The following IQSEC1 variants were observed in gnomAD, a reference collection of about 807,000 sequenced individuals.
IQSEC1 encodes the protein IQ motif and Sec7 domain ArfGEF 1, also known as IQ motif and SEC7 domain-containing protein 1.
In IQSEC1, 31 loss-of-function variants were observed where a neutral mutation model predicts 91.0. The observed-to-expected ratio is 0.34, with a 90% CI of 0.26 to 0.46. The LOEUF is 0.46. Among genes scored for constraint, IQSEC1 ranks in the 20% least tolerant of loss-of-function variants. IQSEC1 has a pLI of 1.00. For missense variants in IQSEC1, 1,388 were observed against 1,575.6 expected, an observed-to-expected ratio of 0.88 and a Z score of 2.02; for synonymous variants, 699 against 662.6, an observed-to-expected ratio of 1.05 and a Z score of -0.84.
At chr3:13,208,139 C>G (rs895555608) in intron 1 of IQSEC1, among the ~76,000 whole-genome samples, 2 of 150,432 alleles carry the variant, frequency 1.3e-5, no homozygotes, top group Non-Finnish European at 3.0e-5. Context: ...ACAGATGGAG[C>G]AAAACAATGA....
At chr3:13,126,625 T>C (rs555457164) in intron 2 of IQSEC1, among the ~76,000 whole-genome samples, 1 of 152,352 alleles carries the variant, frequency 6.6e-6, no homozygotes, top group Admixed American at 6.5e-5. Flanking sequence ...GTTTATACCA[T>C]TTCACATTCC....
chr3:13,016,597 C>T (rs983065376), intron 1 of IQSEC1, among the ~76,000 whole-genome samples: 1 of 152,216 alleles, frequency 6.6e-6, no homozygotes, highest in African/African-American at 2.4e-5. Context: ...CTCTGTGCTC[C>T]TCCTGCAGGT....
At chr3:12,933,304 A>G (rs1697865044) in intron 3 of IQSEC1, among the ~76,000 whole-genome samples, 1 of 152,230 alleles carries the variant, frequency 6.6e-6, no homozygotes, top group Non-Finnish European at 1.5e-5. Context: ...CCACTGTCAC[A>G]CTAGTGCTAG....
At position 13,193,667 on chromosome 3, in the gene IQSEC1, G is replaced by A. The variant is rs1423208487; in HGVS notation, c.273-29534C>T. On this transcript the variant is annotated intron_variant, in intron 1 of 15. Coordinates refer to the IQSEC1 transcript ENST00000648114. The surrounding 1 kb of genome is among the most constrained non-coding windows in gnomAD (Gnocchi z 4.2). ...GGGGTCTAGAACACTTAAGATGCGG[G>A]AAAGAGGCAGTTGGAGACCAAAGGC... Among the ~76,000 whole-genome samples the A allele has an allele frequency of 3.3e-5, 5 of 152,164 alleles. No individual in the cohort carries two copies. The highest frequency in any genetic ancestry group is 5.9e-5 in the Non-Finnish European group (4 of 68,032).
intron 1 of IQSEC1, chr3:12,995,051 C>A (rs560025943): frequency 3.2e-4 from 49 of 152,388 alleles, no homozygotes; most frequent in African/African-American, 1.1e-3. Context: ...AACGCCGGGC[C>A]GGGAGCGGCG....
intron 1 of IQSEC1, among the ~76,000 whole-genome samples, chr3:12,948,807 G>A (rs942112833): frequency 2.6e-5 from 4 of 152,210 alleles, no homozygotes; most frequent in African/African-American, 4.8e-5. Flanking sequence ...CTGCAGGCAC[G>A]GAAAGGTGGC....
In IQSEC1 at chr3:12,979,496, C is replaced by A. The variant is rs1255785103; in HGVS notation, c.24-37631G>T. Reference sequence around the variant, plus strand: ...TACAAAAAAGGCGGACACATGCACGCAGCACGCGCACACACACACTCTAAG... The same window carrying A: ...TACAAAAAAGGCGGACACATGCACGAAGCACGCGCACACACACACTCTAAG... On this transcript the variant is annotated intron_variant, in intron 1 of 13. Coordinates refer to ENST00000613206, the MANE Select transcript of IQSEC1 (RefSeq NM_001134382.3). This position sits in a 1 kb window ranked among gnomAD's most constrained non-coding sequence, Gnocchi z 4.3. Among the ~76,000 whole-genome samples, 1 of 152,206 alleles carries A rather than the reference C, an allele frequency of 6.6e-6. No individual in the cohort carries two copies. The highest frequency in any genetic ancestry group is 1.5e-5 in the Non-Finnish European group (1 of 68,042).
rs1705490975 is a variant in IQSEC1, at chr3:13,073,130, C to CA, written c.-117_-116insT. The CA allele has an allele frequency of 6.5e-6, 7 of 1,075,906 alleles. No homozygotes were observed. The highest frequency in any genetic ancestry group is 9.1e-6 in the Non-Finnish European group (7 of 768,650). 66.6% of individuals were successfully genotyped at this position (1,075,906 alleles called of 1,614,324 possible). A position where few individuals can be genotyped will look rare whatever the true frequency, so the allele number is the denominator to read the frequency against. On this transcript the variant is annotated 5_prime_UTR_variant, in exon 1 of 14. Coordinates refer to ENST00000613206, the MANE Select transcript of IQSEC1 (RefSeq NM_001134382.3). ...AGTGGAGGGGAATAAAATTAAATCG[C>CA]GGGGCGAGTCACATTCCCGGGGGTG...
chr3:12,943,234 C>T (rs1236440202), intron 1 of IQSEC1, among the ~76,000 whole-genome samples: 2 of 152,196 alleles, frequency 1.3e-5, no homozygotes, highest in African/African-American at 2.4e-5. Context: ...CTCACCACCT[C>T]CTGTCCCTGC....
intron 2 of IQSEC1, among the ~76,000 whole-genome samples, chr3:13,153,112 C>T (rs912871804): frequency 1.3e-4 from 19 of 151,436 alleles, no homozygotes; most frequent in African/African-American, 4.4e-4. Flanking sequence ...TCCCCTCCCT[C>T]TCCTCTCCCC....
chr3:13,237,369 G>C (rs1389349452), intron 1 of IQSEC1, among the ~76,000 whole-genome samples: 3 of 152,180 alleles, frequency 2.0e-5, no homozygotes, highest in Admixed American at 6.5e-5. Context: ...ACAAAACCAA[G>C]CAACACTGGC....
At chr3:13,026,107 G>A (rs1365406361) in intron 1 of IQSEC1, among the ~76,000 whole-genome samples, 1 of 152,250 alleles carries the variant, frequency 6.6e-6, no homozygotes, top group Non-Finnish European at 1.5e-5. Context: ...GTCAGGAGGT[G>A]GAGGAGAGAA....
chr3:13,116,597 C>G (rs1053067535), intron 2 of IQSEC1, among the ~76,000 whole-genome samples: 5 of 152,124 alleles, frequency 3.3e-5, no homozygotes, highest in African/African-American at 1.2e-4. Context: ...TTCCATGACA[C>G]TATACACAAA....
At chr3:13,145,273 G>A (rs1365891812) in intron 2 of IQSEC1, among the ~76,000 whole-genome samples, 1 of 152,150 alleles carries the variant, frequency 6.6e-6, no homozygotes, top group African/African-American at 2.4e-5. Flanking sequence ...AAAGACATGA[G>A]CAGCCCCGGG....
intron 1 of IQSEC1, among the ~76,000 whole-genome samples, chr3:13,005,323 C>G (rs550136663): frequency 2.6e-4 from 39 of 152,196 alleles, no homozygotes; most frequent in Middle Eastern, 3.4e-3. Flanking sequence ...GGGTGGAGAC[C>G]GCAGCCCAGG....
At chr3:13,246,555 A>T (rs1046671062) in intron 1 of IQSEC1, among the ~76,000 whole-genome samples, 1 of 152,040 alleles carries the variant, frequency 6.6e-6, no homozygotes, top group African/African-American at 2.4e-5. Context: ...AAAGCAAAAA[A>T]CCCCACAGTA....
chr3:13,146,971 T>G (rs1230603752), intron 2 of IQSEC1, among the ~76,000 whole-genome samples: 1 of 152,142 alleles, frequency 6.6e-6, no homozygotes, highest in Non-Finnish European at 1.5e-5. Context: ...CACTGTGAAG[T>G]CACAGCTCTG....
intron 1 of IQSEC1, among the ~76,000 whole-genome samples, chr3:13,196,936 G>A (rs1007994991): frequency 6.6e-6 from 1 of 152,046 alleles, no homozygotes; most frequent in African/African-American, 2.4e-5. Flanking sequence ...GGGTGTCACC[G>A]GGCAGCAGAC....
chr3:12,994,742 CCTGA>C lies in IQSEC1; in HGVS notation c.24-52881_24-52878del, dbSNP rs1248122959. Among the ~76,000 whole-genome samples, 5 of 152,160 alleles carry C rather than the reference CCTGA, an allele frequency of 3.3e-5. No homozygotes were observed. The highest frequency in any genetic ancestry group is 2.1e-4 in the South Asian group (1 of 4,828). ...CCGCGTCCCCTCCAGGACACACCCT[CCTGA>C]CTGTTTGGGGACGGGGTGGGGACCT... On this transcript the variant is annotated intron_variant, in intron 1 of 13. Coordinates refer to ENST00000613206, the MANE Select transcript of IQSEC1 (RefSeq NM_001134382.3). This position sits in a 1 kb window ranked among gnomAD's most constrained non-coding sequence, Gnocchi z 4.5.
Sources: allele counts gnomAD v4.1 joint callset (sites outside exome capture counted in the v4.1 genomes callset), GRCh38; gene constraint gnomAD v4.1.1; non-coding constraint Gnocchi (gnomAD v3.1); transcripts MANE v1.5; gene names NCBI Gene and HGNC (gene_info 2026-07-23, HGNC 2026-07-21).